Variants in NECAB1 observed in about 807,000 individuals in gnomAD.
NECAB1 encodes N-terminal EF-hand calcium binding protein 1.
In NECAB1, 29 loss-of-function variants were observed where a neutral mutation model predicts 57.5. The observed-to-expected ratio is 0.50, with a 90% CI of 0.38 to 0.69. The LOEUF is 0.69. NECAB1 is among the 30% of genes least tolerant of loss of function. NECAB1 has a pLI of 0.00. For synonymous variants in NECAB1, 142 were observed against 147.7 expected (o/e 0.96, Z 0.28); for missense variants, 372 against 413.8 (o/e 0.90, Z 0.88).
intron 3 of NECAB1, among the ~76,000 whole-genome samples, chr8:90,827,984 T>G (rs187915244): frequency 9.2e-5 from 14 of 152,090 alleles, no homozygotes; most frequent in African/African-American, 3.1e-4. Flanking sequence ...TATTGCCCTC[T>G]TCACACAAAT....
chr8:90,884,311 A>G (rs143988386), intron 5 of NECAB1, among the ~76,000 whole-genome samples: 1 of 152,082 alleles, frequency 6.6e-6, no homozygotes, highest in Non-Finnish European at 1.5e-5. Context: ...CTTTATCTCA[A>G]TCTTTTCATC....
At chr8:90,924,089 T>C (rs1810198767) in intron 6 of NECAB1, among the ~76,000 whole-genome samples, 1 of 152,160 alleles carries the variant, frequency 6.6e-6, no homozygotes. Flanking sequence ...CAAAGACAAG[T>C]GTCTAAAAAC....
chr8:90,840,318 AACTT>A (rs1812434269), intron 3 of NECAB1, among the ~76,000 whole-genome samples: 1 of 152,350 alleles, frequency 6.6e-6, no homozygotes, highest in East Asian at 1.9e-4. Flanking sequence ...TCCATTCATG[AACTT>A]ACTTAATCTT....
intron 2 of NECAB1, among the ~76,000 whole-genome samples, chr8:90,819,103 G>T (rs1238756944): frequency 6.6e-6 from 1 of 151,640 alleles, no homozygotes; most frequent in Non-Finnish European, 1.5e-5. Context: ...CCCAACAGAG[G>T]TATTCTTCAT....
intron 10 of NECAB1, among the ~76,000 whole-genome samples, chr8:90,941,775 AT>A (rs1202407589): frequency 6.6e-6 from 1 of 152,150 alleles, no homozygotes; most frequent in African/African-American, 2.4e-5. Flanking sequence ...AGACCTGGCT[AT>A]TCTTCCTCTC....
In NECAB1 at chr8:90,897,945, G is replaced by C. The variant is rs373322096; in HGVS notation, c.357+16815G>C. On this transcript the variant is annotated intron_variant, in intron 5 of 12. Transcript: ENST00000417640. ...TGTGAGAGTAATCATTTGATTTAAA[G>C]AATAATTCCTTTTTATGTTTTACTA... 3.3e-4 allele frequency among the ~76,000 whole-genome samples: 50 copies of C among 152,262 alleles called. 1 individual carries two copies. Among genetic ancestry groups the C allele is most frequent in the African/African-American group, 1.2e-3 (49 of 41,550 alleles).
At chr8:90,906,493 C>A (rs1809653155) in intron 5 of NECAB1, among the ~76,000 whole-genome samples, 1 of 152,056 alleles carries the variant, frequency 6.6e-6, no homozygotes, top group African/African-American at 2.4e-5. Context: ...ACTTAAGAGT[C>A]TCCAGTTAAA....
rs1811083432 is a variant in NECAB1 at position 90,958,981 on chromosome 8, A to G, written c.*3469A>G. 2.9e-6 allele frequency: 4 copies of G among 1,391,170 alleles called. No homozygotes were observed. The highest frequency in any genetic ancestry group is 3.9e-6 in the Non-Finnish European group (4 of 1,033,868). The allele number at this position is 1,391,170 out of a possible 1,614,324, so 86.2% of individuals were successfully genotyped here. A position where few individuals can be genotyped will look rare whatever the true frequency, so the allele number is the denominator to read the frequency against. On this transcript the variant is annotated 3_prime_UTR_variant, in exon 13 of 13. Transcript: ENST00000417640. ...ATCCACCTCATTTGCAGATGTCCAA[A>G]CTTAAATTCATCTGTTCTTAAAATG... is the stretch of plus-strand genomic sequence containing the variant.
rs898483118 is a variant in NECAB1, at chr8:90,795,716, A to T, written c.99+3731A>T. On this transcript the variant is annotated intron_variant, in intron 1 of 12. Coordinates refer to ENST00000417640, the MANE Select transcript of NECAB1 (RefSeq NM_022351.5). ...ATCTCACCTCATCTCTCTCACACAC[A>T]CACACACACACACACACACACACAC... Among the ~76,000 whole-genome samples, 627 of 151,364 alleles carry T rather than the reference A, an allele frequency of 4.1e-3. 7 individuals carry two copies. The highest frequency in any genetic ancestry group is 0.014 in the African/African-American group (572 of 41,074).
At chr8:90,916,672 T>G (rs1463516479) in intron 5 of NECAB1, among the ~76,000 whole-genome samples, 1 of 152,212 alleles carries the variant, frequency 6.6e-6, no homozygotes, top group African/African-American at 2.4e-5. Flanking sequence ...GTCACCATCT[T>G]ATTCCACACC....
intron 2 of NECAB1, among the ~76,000 whole-genome samples, chr8:90,819,543 G>T (rs1490631711): frequency 2.0e-5 from 3 of 151,878 alleles, no homozygotes; most frequent in Non-Finnish European, 2.9e-5. Context: ...TGTTGACTCT[G>T]AGTTTCCCTA....
At chr8:90,869,062 T>C (rs1225034389) in intron 3 of NECAB1, among the ~76,000 whole-genome samples, 16 of 152,214 alleles carry the variant, frequency 1.1e-4, no homozygotes, top group Non-Finnish European at 1.5e-5. Context: ...GGGACAAAGG[T>C]ACAGCTCTTG....
At chr8:90,944,901 T>C (rs1049480873) in intron 10 of NECAB1, among the ~76,000 whole-genome samples, 4 of 152,054 alleles carry the variant, frequency 2.6e-5, no homozygotes, top group African/African-American at 9.7e-5. Flanking sequence ...CATTTATCAG[T>C]ATTTATTTAT....
chr8:90,902,651 A>G (rs538423914), intron 5 of NECAB1, among the ~76,000 whole-genome samples: 1 of 152,282 alleles, frequency 6.6e-6, no homozygotes, highest in African/African-American at 2.4e-5. Flanking sequence ...TGACAATAAA[A>G]CATACTTCTA....
At chr8:90,861,605 T>TCC (rs1808383330) in intron 3 of NECAB1, among the ~76,000 whole-genome samples, 1 of 152,174 alleles carries the variant, frequency 6.6e-6, no homozygotes, top group African/African-American at 2.4e-5. Context: ...AGCATAATTA[T>TCC]CTAAGTGTCT....
intron 5 of NECAB1, among the ~76,000 whole-genome samples, chr8:90,912,167 T>TA (rs1809846096): frequency 6.6e-6 from 1 of 152,128 alleles, no homozygotes; most frequent in South Asian, 2.1e-4. Context: ...CCCATCCTCA[T>TA]ACCCATGTGC....
rs542756275 is a variant in NECAB1, at chr8:90,958,781, C to T, written c.*3269C>T. ...TCCCACTTCACTAACCAAATTCCTA[C>T]TTTCCAGTGTTACTTCCCAATTTAT... On this transcript the variant is annotated 3_prime_UTR_variant, in exon 13 of 13. Coordinates refer to ENST00000417640, the MANE Select transcript of NECAB1 (RefSeq NM_022351.5). 2.0e-5 allele frequency: 8 copies of T among 400,132 alleles called. No individual in the cohort carries two copies. The South Asian group carries it at 3.3e-4, about 16-fold the overall frequency. 24.8% of individuals were successfully genotyped at this position (400,132 alleles called of 1,614,324 possible).
intron 5 of NECAB1, among the ~76,000 whole-genome samples, chr8:90,892,081 C>T (rs1409758611): frequency 6.6e-6 from 1 of 152,120 alleles, no homozygotes; most frequent in Non-Finnish European, 1.5e-5. Context: ...TAATGACAGG[C>T]AAAATGGCAA....
intron 6 of NECAB1, among the ~76,000 whole-genome samples, chr8:90,923,794 C>T (rs1810190273): frequency 6.6e-6 from 1 of 152,098 alleles, no homozygotes; most frequent in Non-Finnish European, 1.5e-5. Flanking sequence ...GCAAAAATTA[C>T]ATTCTCTGAG....
Sources: gnomAD v4.1 joint callset for allele counts (sites outside exome capture counted in the v4.1 genomes callset) on GRCh38, gnomAD v4.1.1 for gene constraint, MANE v1.5 for transcripts, NCBI Gene and HGNC (gene_info 2026-07-23, HGNC 2026-07-21) for gene names.